Variants in CCDC170 observed in about 807,000 individuals in gnomAD.
CCDC170 encodes the protein coiled-coil domain containing 170.
Under a neutral mutation model 72.6 loss-of-function variants are expected in CCDC170, and 69 were observed. The observed-to-expected ratio is 0.95, with a 90% CI of 0.78 to 1.16. CCDC170 has a LOEUF of 1.16. Among genes scored for constraint, CCDC170 ranks in the 50% most tolerant of loss-of-function variants. The pLI is 0.00. For missense variants in CCDC170, 852 were observed against 832.5 expected (o/e 1.02, Z -0.29); for synonymous variants, 300 against 303.9 (o/e 0.99, Z 0.13).
At chr6:151,566,625 A>G (rs1776140803) in intron 5 of CCDC170, among the ~76,000 whole-genome samples, 5 of 152,198 alleles carry the variant, frequency 3.3e-5, no homozygotes, top group Admixed American at 3.3e-4. Flanking sequence ...CAGAATAAAC[A>G]TGAGAGAAAG....
At chr6:151,567,475 A>G (rs1328709481) in intron 5 of CCDC170, among the ~76,000 whole-genome samples, 2 of 151,852 alleles carry the variant, frequency 1.3e-5, no homozygotes, top group Non-Finnish European at 2.9e-5. Context: ...CAAGTAATCC[A>G]CCTGCCTTGG....
intron 5 of CCDC170, among the ~76,000 whole-genome samples, chr6:151,562,336 A>G (rs77174374): frequency 0.019 from 2,819 of 152,266 alleles, 96 homozygotes; most frequent in African/African-American, 0.064. Flanking sequence ...TTCTCAGGGA[A>G]ATGTTGCTTC....
At chr6:151,590,177 A>G (rs1776513292) in intron 7 of CCDC170, among the ~76,000 whole-genome samples, 1 of 152,106 alleles carries the variant, frequency 6.6e-6, no homozygotes, top group African/African-American at 2.4e-5. Flanking sequence ...CTCTCATGGT[A>G]CTTTTTACCA....
rs143217223 is a variant in CCDC170, at chr6:151,538,878, A to C, written c.443+577A>C. Among the ~76,000 whole-genome samples the C allele has an allele frequency of 2.4e-3, 361 of 152,322 alleles. 1 individual carries two copies. The highest frequency in any genetic ancestry group is 8.5e-3 in the African/African-American group (354 of 41,578). ...TTTAGTAACAAAATACATGGTATTTATTTTACTTATTTCATCTTAAAAAAA... is the reference window on the plus strand; with the variant it reads ...TTTAGTAACAAAATACATGGTATTTCTTTTACTTATTTCATCTTAAAAAAA... On this transcript the variant is annotated intron_variant, in intron 3 of 10. Transcript: ENST00000239374.
intron 6 of CCDC170, among the ~76,000 whole-genome samples, chr6:151,580,275 G>A (rs182516086): frequency 4.8e-4 from 73 of 152,216 alleles, no homozygotes; most frequent in African/African-American, 1.7e-3. Context: ...TATAGGAGAC[G>A]TTGAAGGGTC....
Position 151,508,928 on chromosome 6 carries a change from T to A in CCDC170, c.57+14743T>A, listed in dbSNP as rs148606709. Among the ~76,000 whole-genome samples the A allele has an allele frequency of 5.9e-3, 877 of 149,302 alleles. 10 individuals carry two copies. Among genetic ancestry groups the A allele is most frequent in the African/African-American group, 0.021 (836 of 40,484 alleles). ...TACTTGGAGGGCTGAGGCAAGAGAA[T>A]CACTTGAACCCAGGAGGCGGAGGTT... On this transcript the variant is annotated intron_variant, in intron 1 of 10. Coordinates refer to ENST00000239374, the MANE Select transcript of CCDC170 (RefSeq NM_025059.4).
chr6:151,593,200 G>T lies in CCDC170; in HGVS notation c.1387G>T (p.Ala463Ser). The change falls in exon 8 of 11, where the codon GCT becomes TCT. Residue 463 changes from alanine to serine, a missense_variant. Physicochemically the swap from Ala to Ser is moderately conservative, Grantham distance 99 (BLOSUM62 1). Transcript: ENST00000239374. Reference protein sequence around the residue: ...GFDMRLDVVLARTEQLVRLES... With the variant: ...GFDMRLDVVLSRTEQLVRLES... Reference sequence around the variant, plus strand: ...TGACATGCGGCTGGACGTGGTTTTAGCTCGAACAGAGCAGCTGGTTCGTCT... The same window carrying T: ...TGACATGCGGCTGGACGTGGTTTTATCTCGAACAGAGCAGCTGGTTCGTCT... 6.2e-7 allele frequency: 1 copy of T among 1,614,172 alleles called. No individual in the cohort carries two copies. Among genetic ancestry groups the T allele is most frequent in the African/African-American group, 1.3e-5 (1 of 75,046 alleles).
intron 1 of CCDC170, among the ~76,000 whole-genome samples, chr6:151,494,901 C>G (rs1781888916): frequency 2.0e-5 from 3 of 152,194 alleles, no homozygotes; most frequent in Admixed American, 2.0e-4. Context: ...CCCCTTTGGC[C>G]TTGGCATCGG....
chr6:151,495,657 G>A (rs1301635563), intron 1 of CCDC170, among the ~76,000 whole-genome samples: 1 of 151,958 alleles, frequency 6.6e-6, no homozygotes, highest in East Asian at 1.9e-4. Flanking sequence ...CATGATGCCT[G>A]GATAATTTTT....
chr6:151,617,148 G>T (rs1396275518), intron 10 of CCDC170, among the ~76,000 whole-genome samples: 4 of 152,150 alleles, frequency 2.6e-5, no homozygotes, highest in Non-Finnish European at 4.4e-5. Context: ...CTTTAATGAG[G>T]TGTTGGCCAG....
intron 5 of CCDC170, among the ~76,000 whole-genome samples, chr6:151,551,225 A>G (rs1384021311): frequency 1.3e-5 from 2 of 152,220 alleles, no homozygotes; most frequent in African/African-American, 4.8e-5. Flanking sequence ...ACATAAACAT[A>G]GATATATTTG....
intron 7 of CCDC170, among the ~76,000 whole-genome samples, chr6:151,592,739 C>A (rs559168877): frequency 6.6e-6 from 1 of 152,238 alleles, no homozygotes; most frequent in Non-Finnish European, 1.5e-5. Flanking sequence ...ATGGGTGGAT[C>A]CCAGGGGCTA....
chr6:151,616,756 C>T (rs1300269468), intron 10 of CCDC170, among the ~76,000 whole-genome samples: 3 of 152,144 alleles, frequency 2.0e-5, no homozygotes, highest in African/African-American at 7.2e-5. Context: ...ATCAAAGTGT[C>T]TGGTGAGCAC....
intron 1 of CCDC170, among the ~76,000 whole-genome samples, chr6:151,530,632 G>C (rs1352335671): frequency 2.0e-5 from 3 of 151,998 alleles, no homozygotes; most frequent in Non-Finnish European, 4.4e-5. Flanking sequence ...AGTAGAGACT[G>C]GGTTTCACCA....
intron 5 of CCDC170, among the ~76,000 whole-genome samples, chr6:151,559,910 C>T (rs1783050257): frequency 7.6e-6 from 1 of 130,810 alleles, no homozygotes; most frequent in African/African-American, 2.7e-5. Context: ...TTTTATGTTG[C>T]TCATCCTTTT....
intron 7 of CCDC170, among the ~76,000 whole-genome samples, chr6:151,592,005 TG>T (rs1447506100): frequency 6.6e-6 from 1 of 151,960 alleles, no homozygotes; most frequent in Non-Finnish European, 1.5e-5. Flanking sequence ...CCCAGTTAGG[TG>T]GGAAAAATTC....
At chr6:151,541,148 A>G (rs774502588) in intron 3 of CCDC170, among the ~76,000 whole-genome samples, 16 of 152,094 alleles carry the variant, frequency 1.1e-4, no homozygotes, top group Admixed American at 2.0e-4. Context: ...CTCTTCCCCC[A>G]GATATCACAT....
chr6:151,537,147 C>A (rs1171021059), intron 2 of CCDC170, among the ~76,000 whole-genome samples: 1 of 152,182 alleles, frequency 6.6e-6, no homozygotes, highest in Non-Finnish European at 1.5e-5. Context: ...GTAGTTCCAA[C>A]TGGCTGGGGA....
intron 4 of CCDC170, among the ~76,000 whole-genome samples, chr6:151,546,615 G>T (rs1200480857): frequency 6.6e-6 from 1 of 151,986 alleles, no homozygotes; most frequent in Non-Finnish European, 1.5e-5. Flanking sequence ...ACTGCCCCTT[G>T]CCCTAAGCCC....
Sources: allele counts gnomAD v4.1 joint callset (sites outside exome capture counted in the v4.1 genomes callset), GRCh38; gene constraint gnomAD v4.1.1; transcripts MANE v1.5; gene names NCBI Gene and HGNC (gene_info 2026-07-23, HGNC 2026-07-21).